HELLS: variants seen among roughly 807,000 people sequenced by gnomAD.
HELLS encodes lymphoid-specific helicase.
A neutral mutation model predicts 120.0 loss-of-function variants in HELLS; 32 were observed. The observed-to-expected ratio is 0.27, with a 90% CI of 0.20 to 0.36. HELLS has a LOEUF of 0.36. HELLS is among the 10% of genes least tolerant of loss of function. The pLI is 1.00. For synonymous variants in HELLS, 341 were observed against 323.4 expected (o/e 1.05, Z -0.58); for missense variants, 650 against 993.4 (o/e 0.65, Z 4.65).
rs1846040099 is a variant in HELLS, at chr10:94,601,703, CCA to C, written c.*83_*84del. ...GTATTGGGTTTGAAATACTGATTGT[CCA>C]CTTCACCTTTTTTATTATATCAGTT... On this transcript the variant is annotated 3_prime_UTR_variant, in exon 22 of 22. Transcript: ENST00000348459. 1 of 686,946 alleles carries C rather than the reference CCA, an allele frequency of 1.5e-6. No individual in the cohort carries two copies. The highest frequency in any genetic ancestry group is 2.9e-5 in the Admixed American group (1 of 34,964). The allele number at this position is 686,946 out of a possible 1,614,324, so 42.6% of individuals were successfully genotyped here.
intron 10 of HELLS, among the ~76,000 whole-genome samples, chr10:94,578,661 TGG>T (rs1289404227): frequency 6.6e-6 from 1 of 152,190 alleles, no homozygotes; most frequent in Non-Finnish European, 1.5e-5. Flanking sequence ...GCCGCTTGGT[TGG>T]CTGGGCAACC....
intron 18 of HELLS, among the ~76,000 whole-genome samples, chr10:94,594,378 G>T (rs1440448667): frequency 2.2e-4 from 34 of 152,010 alleles, no homozygotes. Flanking sequence ...GTGAGACCAC[G>T]TCTCACTGTT....
At position 94,567,912 on chromosome 10, in the gene HELLS, T is replaced by G. The variant is rs7392789; in HGVS notation, c.436-3476T>G. On this transcript the variant is annotated intron_variant, in intron 6 of 21. Coordinates refer to ENST00000348459, the MANE Select transcript of HELLS (RefSeq NM_018063.5). ...CAAGAGAATGAAACCCTGGTTTTTT[T>G]TTTTTTTTTTTTTTTGGAGAGAGAG... 6.3e-3 allele frequency among the ~76,000 whole-genome samples: 453 copies of G among 72,338 alleles called. 6 individuals are homozygous for G. The highest frequency in any genetic ancestry group is 0.016 in the South Asian group (24 of 1,480). The allele number at this position is 72,338 out of a possible 152,430, so 47.5% of individuals were successfully genotyped here.
At chr10:94,585,522 C>T (rs1267907444) in intron 12 of HELLS, among the ~76,000 whole-genome samples, 8 of 151,010 alleles carry the variant, frequency 5.3e-5, no homozygotes, top group Admixed American at 2.0e-4. Context: ...GCTGGGATTA[C>T]AGGCGTGTGC....
Position 94,546,486 on chromosome 10 carries a change from G to T in HELLS, c.141G>T (p.Lys47Asn). The change falls in exon 2 of 22, where the codon AAG becomes AAT. Residue 47 changes from lysine (K) to asparagine (N), a missense_variant. Around this residue, in one of 9 missense-constraint regions of HELLS, gnomAD observed 90 missense variants for 93.6 expected, o/e 0.96. Transcript: ENST00000348459. ...CTGCTGGACTAGAGAGAGAGCGGAA[G>T]ATGCTGGAAAAGGTAATTTAGGCAT... ...LEAAGLERER[K>N]MLEKARMSWD... 1 of 1,614,140 alleles carries T rather than the reference G, an allele frequency of 6.2e-7. No individual in the cohort carries two copies. The highest frequency in any genetic ancestry group is 1.1e-5 in the South Asian group (1 of 91,084).
At chr10:94,573,062 C>T (rs1589729777) in intron 7 of HELLS, among the ~76,000 whole-genome samples, 1 of 151,956 alleles carries the variant, frequency 6.6e-6, no homozygotes, top group South Asian at 2.1e-4. Context: ...CAGGTTCAAG[C>T]GATTCTCCTG....
At chr10:94,582,527 A>G (rs931611617) in intron 11 of HELLS, among the ~76,000 whole-genome samples, 16 of 152,206 alleles carry the variant, frequency 1.1e-4, no homozygotes, top group Non-Finnish European at 1.9e-4. Flanking sequence ...AGGAATAAGC[A>G]TGTATATTAT....
intron 2 of HELLS, among the ~76,000 whole-genome samples, chr10:94,553,762 G>A (rs1269036009): frequency 6.6e-6 from 1 of 151,738 alleles, no homozygotes; most frequent in Non-Finnish European, 1.5e-5. Flanking sequence ...TGGTCCGGCT[G>A]GTCTCGAACC....
downstream of HELLS, among the ~76,000 whole-genome samples, chr10:94,602,574 A>G (rs1381370885): frequency 6.6e-6 from 1 of 152,174 alleles, no homozygotes; most frequent in Non-Finnish European, 1.5e-5. Flanking sequence ...TTTCATGGAA[A>G]AATATTGCTG....
chr10:94,547,740 T>C (rs1425974268), intron 2 of HELLS, among the ~76,000 whole-genome samples: 2 of 152,326 alleles, frequency 1.3e-5, no homozygotes, highest in East Asian at 3.9e-4. Flanking sequence ...ATGAGGAAAC[T>C]GAGGCACATA....
chr10:94,550,698 T>G (rs994366031), intron 2 of HELLS, among the ~76,000 whole-genome samples: 2 of 152,026 alleles, frequency 1.3e-5, no homozygotes, highest in African/African-American at 4.8e-5. Flanking sequence ...AAGACCAGCC[T>G]GGGTAACAGG....
chr10:94,581,236 C>A, intron 10 of HELLS, 90 bp from the exon 11 acceptor site: 2 of 670,772 alleles, frequency 3.0e-6, no homozygotes, highest in South Asian at 4.9e-5. Context: ...AACATCCATC[C>A]CTCATAATAG....
At chr10:94,546,242 G>T in intron 1 of HELLS, 135 bp from the exon 2 acceptor site, 2 of 1,023,782 alleles carry the variant, frequency 2.0e-6, no homozygotes, top group Non-Finnish European at 2.9e-6. Context: ...TCTTCTGAGA[G>T]GTGATGCTGG....
At chr10:94,580,601 A>T (rs1844820926) in intron 10 of HELLS, among the ~76,000 whole-genome samples, 1 of 152,206 alleles carries the variant, frequency 6.6e-6, no homozygotes, top group Non-Finnish European at 1.5e-5. Context: ...TATTTTAATA[A>T]AGAAGATACA....
In HELLS at chr10:94,545,860, T is replaced by C; in HGVS notation, c.-62T>C. On this transcript the variant is annotated 5_prime_UTR_variant, in exon 1 of 22. Transcript: ENST00000348459. ...CTGGGCCGGCAGCGGTTGTGAGGAG[T>C]TAGCTCGCGGCATTGCAGGCTCTGA... is the stretch of plus-strand genomic sequence containing the variant. 6.5e-7 allele frequency: 1 copy of C among 1,532,384 alleles called. No individual in the cohort carries two copies. Among genetic ancestry groups the C allele is most frequent in the Non-Finnish European group, 8.9e-7 (1 of 1,129,438 alleles). 94.9% of individuals were successfully genotyped at this position (1,532,384 alleles called of 1,614,324 possible).
chr10:94,583,102 G>A, intron 12 of HELLS, 43 bp downstream of exon 12: 1 of 1,117,090 alleles, frequency 9.0e-7, no homozygotes. Flanking sequence ...AGGCTCGATA[G>A]AGTATAAAAG....
chr10:94,577,986 C>T (rs1015795880), intron 10 of HELLS, among the ~76,000 whole-genome samples: 3 of 150,856 alleles, frequency 2.0e-5, no homozygotes, highest in Admixed American at 1.3e-4. Context: ...TGGCGTGAAC[C>T]CGGGAAGCGG....
intron 3 of HELLS, 45 bp from the exon 4 acceptor site, chr10:94,558,094 A>G: frequency 1.3e-6 from 2 of 1,545,894 alleles, no homozygotes; most frequent in Non-Finnish European, 1.7e-6. Context: ...TTTTTTTTAA[A>G]TGTTGCACTT....
chr10:94,553,803 C>T (rs1373078922), intron 2 of HELLS, among the ~76,000 whole-genome samples: 2 of 152,090 alleles, frequency 1.3e-5, no homozygotes, highest in Non-Finnish European at 2.9e-5. Flanking sequence ...CTGCTTTGGC[C>T]TCCCAAAGTG....
Sources: gnomAD v4.1 joint callset for allele counts (sites outside exome capture counted in the v4.1 genomes callset) on GRCh38, gnomAD v4.1.1 for gene constraint, gnomAD v4.1.1 regional missense constraint, MANE v1.5 for transcripts, NCBI Gene and HGNC (gene_info 2026-07-23, HGNC 2026-07-21) for gene names.